The following MTSS1 variants were observed in gnomAD, a reference collection of about 807,000 sequenced individuals.
The protein encoded by MTSS1 is protein MTSS 1.
Under a neutral mutation model 79.0 loss-of-function variants are expected in MTSS1, and 18 were observed. The observed-to-expected ratio is 0.23, with a 90% CI of 0.16 to 0.34. The LOEUF (loss-of-function observed/expected upper bound fraction) is 0.34. Among genes scored for constraint, MTSS1 ranks in the 10% least tolerant of loss-of-function variants. The pLI is 1.00. For synonymous variants in MTSS1, 341 were observed against 368.6 expected, an observed-to-expected ratio of 0.93 and a Z score of 0.86; for missense variants, 815 against 986.2, an observed-to-expected ratio of 0.83 and a Z score of 2.33.
intron 9 of MTSS1, among the ~76,000 whole-genome samples, chr8:124,563,718 C>T (rs1281475460): frequency 1.3e-5 from 2 of 152,238 alleles, no homozygotes; most frequent in African/African-American, 4.8e-5. Context: ...AGGCAGCTTT[C>T]AGCGACTAAG....
chr8:124,623,679 G>C (rs1411126770), intron 3 of MTSS1, among the ~76,000 whole-genome samples: 1 of 152,188 alleles, frequency 6.6e-6, no homozygotes, highest in Non-Finnish European at 1.5e-5. Flanking sequence ...TGTCACCCAG[G>C]CTGGAGTGAG....
intron 9 of MTSS1, 144 bp from the exon 10 acceptor site, chr8:124,563,136 A>C: frequency 1.4e-6 from 1 of 704,930 alleles, no homozygotes; most frequent in Non-Finnish European, 2.3e-6. Flanking sequence ...TGCCCTGGAG[A>C]TGCAGTGCAA....
Position 124,727,991 on chromosome 8 carries a change from G to C in MTSS1, c.-36C>G, listed in dbSNP as rs1415773750. 1 of 1,594,836 alleles carries C rather than the reference G, an allele frequency of 6.3e-7. No individual in the cohort carries two copies. Among genetic ancestry groups the C allele is most frequent in the African/African-American group, 1.4e-5 (1 of 73,090 alleles). On this transcript the variant is annotated 5_prime_UTR_variant, in exon 1 of 14. Transcript: ENST00000518547. This position sits in a 1 kb window ranked among gnomAD's most constrained non-coding sequence, Gnocchi z 4.7. Reference sequence around the variant, plus strand: ...CCGGCAGGGCGAGGGCACACACGCGGGGCCGCTGGACTGCGCGCGGGGCCG... The same window carrying C: ...CCGGCAGGGCGAGGGCACACACGCGCGGCCGCTGGACTGCGCGCGGGGCCG...
rs1238105846 is a variant in MTSS1 at position 124,683,355 on chromosome 8, C to T, written c.208+16171G>A. On this transcript the variant is annotated intron_variant, in intron 3 of 13. Coordinates refer to ENST00000518547, the MANE Select transcript of MTSS1 (RefSeq NM_014751.6). The surrounding 1 kb of genome is among the most constrained non-coding windows in gnomAD (Gnocchi z 4.5). ...AAGTCTTACAATAGCCTGCAGTACACTATCAAATACTAGCTTTATGTATAT... is the reference window on the plus strand; with the variant it reads ...AAGTCTTACAATAGCCTGCAGTACATTATCAAATACTAGCTTTATGTATAT... Among the ~76,000 whole-genome samples, 2 of 152,148 alleles carry T rather than the reference C, an allele frequency of 1.3e-5. No homozygotes were observed. The highest frequency in any genetic ancestry group is 4.8e-5 in the African/African-American group (2 of 41,440).
chr8:124,616,624 T>C (rs914844809), intron 3 of MTSS1, among the ~76,000 whole-genome samples: 5 of 152,086 alleles, frequency 3.3e-5, no homozygotes, highest in South Asian at 2.1e-4. Context: ...ACACAAAACA[T>C]AGGAGAGAAA....
At chr8:124,671,249 C>T (rs935640173) in intron 3 of MTSS1, among the ~76,000 whole-genome samples, 31 of 152,092 alleles carry the variant, frequency 2.0e-4, no homozygotes, top group Admixed American at 7.9e-4. Flanking sequence ...CAAATCCTCA[C>T]CTGACCTCAT....
intron 10 of MTSS1, among the ~76,000 whole-genome samples, chr8:124,561,111 G>A (rs1250311968): frequency 6.6e-6 from 1 of 152,138 alleles, no homozygotes; most frequent in African/African-American, 2.4e-5. Flanking sequence ...TCTCTATTAA[G>A]TTTTGTAGCA....
At chr8:124,591,378 T>C (rs956348482) in intron 3 of MTSS1, 143 bp from the exon 4 acceptor site, 2 of 673,528 alleles carry the variant, frequency 3.0e-6, no homozygotes, top group South Asian at 3.5e-5. Context: ...ACCATGCCCA[T>C]GTGTGCATAC....
intron 3 of MTSS1, among the ~76,000 whole-genome samples, chr8:124,602,324 C>T (rs1411606648): frequency 6.6e-6 from 1 of 151,428 alleles, no homozygotes. Context: ...CTCAGCCTCC[C>T]AAACAGCTGG....
Position 124,601,581 on chromosome 8 carries a change from C to T in MTSS1, c.209-10346G>A, listed in dbSNP as rs1178816764. Among the ~76,000 whole-genome samples, 16 of 152,350 alleles carry T rather than the reference C, an allele frequency of 1.1e-4. No homozygotes were observed. The South Asian group carries it at 3.1e-3, about 30-fold the overall frequency. On this transcript the variant is annotated intron_variant, in intron 3 of 13. Coordinates refer to ENST00000518547, the MANE Select transcript of MTSS1 (RefSeq NM_014751.6). ...AAATAGTCTCTCCTTCCTCTCAAGC[C>T]CCTGCTCTCAGAGAGCCCAGAAGTC...
intron 3 of MTSS1, chr8:124,673,569 C>T (rs1307903086): frequency 1.3e-5 from 2 of 151,984 alleles, no homozygotes. Flanking sequence ...GCCACTCCAC[C>T]CTGTGCTATT....
rs1212547084 is a variant in MTSS1 at position 124,727,116 on chromosome 8, GCA to G, written c.72+766_72+767del. 6.6e-6 allele frequency among the ~76,000 whole-genome samples: 1 copy of G among 151,894 alleles called. No homozygotes were observed. The highest frequency in any genetic ancestry group is 6.5e-5 in the Admixed American group (1 of 15,272). On this transcript the variant is annotated intron_variant, in intron 1 of 13. Coordinates refer to ENST00000518547, the MANE Select transcript of MTSS1 (RefSeq NM_014751.6). This position sits in a 1 kb window ranked among gnomAD's most constrained non-coding sequence, Gnocchi z 4.7. The stretch of plus-strand genomic sequence containing the variant: ...CGCGCGCACACACACATGCACGCGC[GCA>G]CACACACACCATCTTCACAACCCTT...
intron 1 of MTSS1, among the ~76,000 whole-genome samples, chr8:124,710,943 G>C (rs905041465): frequency 2.0e-5 from 3 of 152,202 alleles, no homozygotes; most frequent in African/African-American, 7.2e-5. Flanking sequence ...GCTCTAGAGA[G>C]TGGGGTTCCA....
chr8:124,693,267 C>G (rs945715588), intron 3 of MTSS1, among the ~76,000 whole-genome samples: 1 of 152,142 alleles, frequency 6.6e-6, no homozygotes, highest in African/African-American at 2.4e-5. Context: ...TGTCATCGGA[C>G]AGGTGGGTTA....
At chr8:124,558,069 CAT>C (rs1255600456) in intron 10 of MTSS1, 194 bp from the exon 11 acceptor site, 25 of 543,586 alleles carry the variant, frequency 4.6e-5, no homozygotes, top group African/African-American at 7.5e-5. Context: ...AAAGAATGCA[CAT>C]GAGTTTGACA....
chr8:124,598,169 C>T (rs1331814960), intron 3 of MTSS1, among the ~76,000 whole-genome samples: 1 of 152,102 alleles, frequency 6.6e-6, no homozygotes, highest in Non-Finnish European at 1.5e-5. Flanking sequence ...GCGGTGTATG[C>T]CTGCAGTCCC....
chr8:124,553,693 C>T lies in MTSS1; in HGVS notation c.1568-1G>A, dbSNP rs1454993259. 6 of 1,603,082 alleles carry T rather than the reference C, an allele frequency of 3.7e-6. No homozygotes were observed. The highest frequency in any genetic ancestry group is 5.1e-6 in the Non-Finnish European group (6 of 1,173,348). Reference sequence around the variant, plus strand: ...ACAGAGAAATAATCATAATCTGAAACTGATTATAGGATTTGATTAGACATA... The same window carrying T: ...ACAGAGAAATAATCATAATCTGAAATTGATTATAGGATTTGATTAGACATA... On this transcript the variant is annotated splice_acceptor_variant, in intron 13 of 13. Coordinates refer to ENST00000518547, the MANE Select transcript of MTSS1 (RefSeq NM_014751.6). LOFTEE classifies it high-confidence loss of function. The surrounding 1 kb of genome is among the most constrained non-coding windows in gnomAD (Gnocchi z 6.0).
intron 4 of MTSS1, among the ~76,000 whole-genome samples, chr8:124,590,005 C>T (rs995025940): frequency 2.0e-5 from 3 of 152,154 alleles, no homozygotes; most frequent in African/African-American, 7.2e-5. Flanking sequence ...TACAGGAACA[C>T]ATCACCATGC....
At chr8:124,600,048 A>AAC (rs1404954853) in intron 3 of MTSS1, among the ~76,000 whole-genome samples, 3 of 77,644 alleles carry the variant, frequency 3.9e-5, no homozygotes, top group African/African-American at 2.8e-4. Context: ...TACAAAAAAA[A>AAC]AAAAAACAAA....
Sources: gnomAD v4.1 joint callset for allele counts (sites outside exome capture counted in the v4.1 genomes callset) on GRCh38, gnomAD v4.1.1 for gene constraint, Gnocchi (gnomAD v3.1) non-coding constraint, MANE v1.5 for transcripts, NCBI Gene and HGNC (gene_info 2026-07-23, HGNC 2026-07-21) for gene names.